The following KIAA0232 variants were observed in gnomAD, a reference collection of about 807,000 sequenced individuals.
KIAA0232 encodes the protein uncharacterized protein KIAA0232.
KIAA0232 carries 27 observed loss-of-function variants against 122.0 expected under a neutral mutation model. The ratio of observed to expected loss-of-function variants is 0.22; its 90% CI spans 0.16 to 0.31. The LOEUF (loss-of-function observed/expected upper bound fraction) is 0.31, where lower values mean the gene tolerates loss of function less well. Among genes scored for constraint, KIAA0232 ranks in the 10% least tolerant of loss-of-function variants. The pLI is 1.00. For missense variants in KIAA0232, 1,551 were observed against 1,634.2 expected, an observed-to-expected ratio of 0.95 and a Z score of 0.88; for synonymous variants, 613 against 587.6, an observed-to-expected ratio of 1.04 and a Z score of -0.63.
At chr4:6,787,729 TTC>T (rs1394610340) in intron 1 of KIAA0232, among the ~76,000 whole-genome samples, 1 of 152,244 alleles carries the variant, frequency 6.6e-6, no homozygotes, top group Non-Finnish European at 1.5e-5. Context: ...CCTCTCTTTT[TTC>T]TGGTCTCTCC....
intron 9 of KIAA0232, 55 bp from the exon 10 acceptor site, chr4:6,880,732 C>A: frequency 1.6e-6 from 2 of 1,242,434 alleles, no homozygotes; most frequent in Admixed American, 2.7e-5. Context: ...GAGTATCTCA[C>A]CCTTTTGGGG....
At chr4:6,832,379 T>TG (rs1250884944) in intron 3 of KIAA0232, among the ~76,000 whole-genome samples, 1 of 151,118 alleles carries the variant, frequency 6.6e-6, no homozygotes, top group Non-Finnish European at 1.5e-5. Context: ...GAGGGACTCT[T>TG]GCTGTGTTGC....
chr4:6,846,442 A>T lies in KIAA0232; in HGVS notation c.369+4238A>T, dbSNP rs1475087860. Among the ~76,000 whole-genome samples, 5 of 152,168 alleles carry T rather than the reference A, an allele frequency of 3.3e-5. No individual in the cohort carries two copies. In the South Asian group the frequency reaches 1.0e-3, roughly 32 times the overall value. ...AGATCCGTTGTGGCATTAGATTCTC[A>T]TAGGAGCACAAACCCTATTGTGGAC... On this transcript the variant is annotated intron_variant, in intron 4 of 9. Coordinates refer to ENST00000307659, the MANE Select transcript of KIAA0232 (RefSeq NM_014743.3).
At position 6,864,093 on chromosome 4, in the gene KIAA0232, G is replaced by C; in HGVS notation, c.3711G>C (p.Glu1237Asp). The change falls in exon 7 of 10, where the codon GAG becomes GAC. Residue 1237 changes from glutamate to aspartate, a missense_variant. Coordinates refer to ENST00000307659, the MANE Select transcript of KIAA0232 (RefSeq NM_014743.3). ...ATTGTAAAATAATGGCACAATGCGA[G>C]GAAGAAATTAATAATTTTTGTGGTT... The part of the protein sequence containing the change: ...EANCKIMAQC[E>D]EEINNFCGCK... 6.2e-7 allele frequency: 1 copy of C among 1,614,128 alleles called. No individual in the cohort carries two copies. The highest frequency in any genetic ancestry group is 1.1e-5 in the South Asian group (1 of 91,062).
chr4:6,834,652 T>C (rs1302826160), intron 3 of KIAA0232, among the ~76,000 whole-genome samples: 2 of 152,160 alleles, frequency 1.3e-5, no homozygotes, highest in African/African-American at 2.4e-5. Context: ...TTTGACACAA[T>C]TGGGTCCCTT....
At chr4:6,845,750 G>C (rs139471431) in intron 4 of KIAA0232, among the ~76,000 whole-genome samples, 1 of 152,276 alleles carries the variant, frequency 6.6e-6, no homozygotes, top group East Asian at 1.9e-4. Context: ...TGAGAAATGA[G>C]CCTAGCCTTT....
At chr4:6,851,479 G>A (rs1045763214) in intron 4 of KIAA0232, among the ~76,000 whole-genome samples, 10 of 152,064 alleles carry the variant, frequency 6.6e-5, no homozygotes, top group African/African-American at 1.9e-4. Flanking sequence ...AAGCTGAGGC[G>A]GGTGGGTTGC....
rs190051748 is a variant in KIAA0232 at position 6,818,394 on chromosome 4, C to T, written c.-269-5791C>T. Among the ~76,000 whole-genome samples the T allele has an allele frequency of 2.4e-3, 322 of 132,882 alleles. 3 individuals are homozygous for T. The highest frequency in any genetic ancestry group is 8.1e-3 in the African/African-American group (300 of 36,976). The allele number at this position is 132,882 out of a possible 152,430, so 87.2% of individuals were successfully genotyped here. On this transcript the variant is annotated intron_variant, in intron 2 of 9. Coordinates refer to ENST00000307659, the MANE Select transcript of KIAA0232 (RefSeq NM_014743.3). ...GAGCCTGGGCAACAGAGCAAGACTC[C>T]GTCTCAAAAAAAAAAAAAAAAAAAG...
chr4:6,873,040 C>T (rs1418464493), intron 8 of KIAA0232, among the ~76,000 whole-genome samples: 1 of 152,230 alleles, frequency 6.6e-6, no homozygotes, highest in African/African-American at 2.4e-5. Flanking sequence ...GTTGATTGAA[C>T]AGCGTTTATT....
At chr4:6,846,132 A>T (rs546595785) in intron 4 of KIAA0232, among the ~76,000 whole-genome samples, 2 of 151,512 alleles carry the variant, frequency 1.3e-5, no homozygotes, top group South Asian at 4.2e-4. Context: ...TTGCTTTTTC[A>T]TAACAACGAT....
intron 6 of KIAA0232, 58 bp from the exon 7 acceptor site, chr4:6,860,843 T>C (rs1399740050): frequency 3.5e-6 from 5 of 1,446,330 alleles, no homozygotes; most frequent in African/African-American, 2.8e-5. Context: ...TAATGTTGTT[T>C]TACTGTATCT....
intron 1 of KIAA0232, among the ~76,000 whole-genome samples, chr4:6,785,254 A>G (rs1435412229): frequency 6.6e-6 from 1 of 152,054 alleles, no homozygotes; most frequent in East Asian, 1.9e-4. Context: ...TGGATTTTTA[A>G]CACTTCCAGT....
intron 7 of KIAA0232, among the ~76,000 whole-genome samples, chr4:6,868,126 AT>A (rs1721283123): frequency 6.6e-6 from 1 of 152,232 alleles, no homozygotes; most frequent in South Asian, 2.1e-4. Context: ...AACTAGGAGT[AT>A]TCTGTGAGAA....
chr4:6,880,564 C>T (rs1722019398), intron 9 of KIAA0232, among the ~76,000 whole-genome samples: 1 of 152,244 alleles, frequency 6.6e-6, no homozygotes, highest in South Asian at 2.1e-4. Flanking sequence ...ACATGGCTAA[C>T]ATTTTGTCCA....
intron 6 of KIAA0232, among the ~76,000 whole-genome samples, chr4:6,860,066 T>A (rs1014463063): frequency 1.4e-4 from 21 of 152,322 alleles, no homozygotes; most frequent in African/African-American, 5.1e-4. Flanking sequence ...AAGGCTCAGT[T>A]GTGGCCCACT....
intron 9 of KIAA0232, among the ~76,000 whole-genome samples, chr4:6,878,882 C>A (rs1270370082): frequency 6.6e-6 from 1 of 152,194 alleles, no homozygotes; most frequent in Non-Finnish European, 1.5e-5. Flanking sequence ...GCCCACTGAC[C>A]TGTCCGGCTC....
At chr4:6,851,438 T>C (rs991054205) in intron 4 of KIAA0232, among the ~76,000 whole-genome samples, 2 of 152,170 alleles carry the variant, frequency 1.3e-5, no homozygotes, top group African/African-American at 4.8e-5. Flanking sequence ...CTGGGTGCGA[T>C]GGCTCATGCC....
chr4:6,875,226 T>C (rs1327741235), intron 8 of KIAA0232, among the ~76,000 whole-genome samples: 1 of 152,260 alleles, frequency 6.6e-6, no homozygotes, highest in Non-Finnish European at 1.5e-5. Context: ...GCAATGTGTG[T>C]GCCCGGCACT....
intron 1 of KIAA0232, among the ~76,000 whole-genome samples, chr4:6,799,738 A>G (rs1717291288): frequency 1.3e-5 from 2 of 152,040 alleles, no homozygotes; most frequent in African/African-American, 2.4e-5. Context: ...CTCTGTTGCC[A>G]GGCTGGAGTG....
Sources: gnomAD v4.1 joint callset for allele counts (sites outside exome capture counted in the v4.1 genomes callset) on GRCh38, gnomAD v4.1.1 for gene constraint, MANE v1.5 for transcripts, NCBI Gene and HGNC (gene_info 2026-07-23, HGNC 2026-07-21) for gene names.